SPRED1: variants seen among roughly 807,000 people sequenced by gnomAD.
SPRED1 encodes the protein sprouty-related, EVH1 domain-containing protein 1.
In SPRED1, 18 loss-of-function variants were observed where a neutral mutation model predicts 52.3. The ratio of observed to expected loss-of-function variants is 0.34; its 90% confidence interval spans 0.24 to 0.51. SPRED1 has a LOEUF of 0.51. Ranked by LOEUF, SPRED1 falls within the 20% of genes least tolerant of loss-of-function variation. The probability of loss-of-function intolerance (pLI) is 0.97; values close to 1 mark genes in which losing one functional copy is unlikely to be tolerated. For synonymous variants in SPRED1, 155 were observed against 179.7 expected, an observed-to-expected ratio of 0.86 and a Z score of 1.10; for missense variants, 485 against 551.0, an observed-to-expected ratio of 0.88 and a Z score of 1.20.
intron 5 of SPRED1, among the ~76,000 whole-genome samples, chr15:38,348,151 G>GA (rs565782092): frequency 2.0e-5 from 3 of 151,696 alleles, no homozygotes; most frequent in Non-Finnish European, 3.0e-5. Flanking sequence ...GTTCTATCAG[G>GA]AAAAAAAATT....
At chr15:38,278,271 C>T (rs1268924599) in intron 1 of SPRED1, among the ~76,000 whole-genome samples, 1 of 152,064 alleles carries the variant, frequency 6.6e-6, no homozygotes, top group African/African-American at 2.4e-5. Flanking sequence ...TGCTTGAGCC[C>T]AGGAGTTTGA....
intron 5 of SPRED1, among the ~76,000 whole-genome samples, chr15:38,348,453 A>T (rs1896187781): frequency 6.6e-6 from 1 of 150,828 alleles, no homozygotes; most frequent in Non-Finnish European, 1.5e-5. Flanking sequence ...TGTGTGTAAA[A>T]ATTTTTGGAG....
intron 1 of SPRED1, among the ~76,000 whole-genome samples, chr15:38,254,412 ATTG>A (rs1274684932): frequency 6.6e-6 from 1 of 152,014 alleles, no homozygotes; most frequent in African/African-American, 2.4e-5. Context: ...AAGGAGGTAC[ATTG>A]CTGCAGTGTC....
chr15:38,324,496 G>A (rs1421273625), intron 3 of SPRED1, among the ~76,000 whole-genome samples: 1 of 152,162 alleles, frequency 6.6e-6, no homozygotes, highest in African/African-American at 2.4e-5. Flanking sequence ...ACTAGGGGCA[G>A]GGGTAGCTAG....
intron 1 of SPRED1, among the ~76,000 whole-genome samples, chr15:38,283,065 A>G (rs752418839): frequency 6.6e-6 from 1 of 152,170 alleles, no homozygotes; most frequent in Non-Finnish European, 1.5e-5. Context: ...AGACTGGGTA[A>G]TTATAAAAGA....
chr15:38,294,341 T>G (rs925949435), intron 1 of SPRED1, among the ~76,000 whole-genome samples: 3 of 152,078 alleles, frequency 2.0e-5, no homozygotes, highest in Admixed American at 2.0e-4. Flanking sequence ...AATTTGGTGG[T>G]TGGTGGGGCG....
intron 1 of SPRED1, among the ~76,000 whole-genome samples, chr15:38,299,088 G>A (rs574723299): frequency 6.6e-5 from 10 of 152,272 alleles, no homozygotes; most frequent in Non-Finnish European, 1.2e-4. Context: ...AACTTGTTCC[G>A]TGGCAATCAG....
At chr15:38,327,175 G>T (rs1323677900) in intron 4 of SPRED1, among the ~76,000 whole-genome samples, 2 of 152,180 alleles carry the variant, frequency 1.3e-5, no homozygotes, top group African/African-American at 4.8e-5. Context: ...ACCTGCACCT[G>T]TTTAGAAGAC....
chr15:38,271,673 A>T (rs1335300018), intron 1 of SPRED1, among the ~76,000 whole-genome samples: 2 of 152,282 alleles, frequency 1.3e-5, no homozygotes, highest in Admixed American at 1.3e-4. Context: ...GGACTTAGAG[A>T]TATTGATTCC....
At chr15:38,273,540 T>C (rs1448904596) in intron 1 of SPRED1, among the ~76,000 whole-genome samples, 1 of 6,574 alleles carries the variant, frequency 1.5e-4, no homozygotes, top group Admixed American at 2.6e-3. Context: ...TATATATATA[T>C]ATATATATAT....
At chr15:38,350,966 A>G (rs773221725) in intron 6 of SPRED1, 48 bp from the exon 7 acceptor site, 203 of 1,572,134 alleles carry the variant, frequency 1.3e-4, no homozygotes, top group Middle Eastern at 6.6e-4. Flanking sequence ...GACACGTAAA[A>G]TTAACCATCA....
intron 1 of SPRED1, among the ~76,000 whole-genome samples, chr15:38,257,444 C>A (rs1359447283): frequency 6.6e-6 from 1 of 151,938 alleles, no homozygotes; most frequent in East Asian, 1.9e-4. Context: ...TAAATTATTA[C>A]CCGTTTAAGA....
intron 5 of SPRED1, among the ~76,000 whole-genome samples, chr15:38,349,183 G>A (rs1326197843): frequency 1.3e-5 from 2 of 152,066 alleles, no homozygotes; most frequent in Non-Finnish European, 2.9e-5. Flanking sequence ...ATGAATATTT[G>A]GGTTGTTTGT....
intron 1 of SPRED1, among the ~76,000 whole-genome samples, chr15:38,285,730 C>G (rs957645490): frequency 6.6e-6 from 1 of 152,138 alleles, no homozygotes; most frequent in East Asian, 1.9e-4. Context: ...TGACCTGATT[C>G]ATGTTTAAAA....
rs764234046 is a variant in SPRED1, at chr15:38,299,382, T to C, written c.42T>C (p.Tyr14=). The C allele has an allele frequency of 9.3e-6, 15 of 1,613,854 alleles. No individual in the cohort carries two copies. The African/African-American group carries it at 1.6e-4, about 17-fold the overall frequency. ...ETATSDNDNS[Y]ARVRAVVMTR... is the part of the protein sequence containing the mutation. Reference sequence around the variant, plus strand: ...TTTGCATCTATTTTAGTAATAGTTATGCACGAGTGCGAGCTGTGGTGATGA... The same window carrying C: ...TTTGCATCTATTTTAGTAATAGTTACGCACGAGTGCGAGCTGTGGTGATGA... Residue 14 remains tyrosine, a synonymous_variant, in exon 2 of 7, where the codon TAT becomes TAC. Transcript: ENST00000299084.
At chr15:38,342,061 T>A (rs1320731914) in intron 5 of SPRED1, among the ~76,000 whole-genome samples, 6 of 150,372 alleles carry the variant, frequency 4.0e-5, no homozygotes, top group African/African-American at 1.2e-4. Flanking sequence ...GGTGTCTTTG[T>A]CTTTTAATTG....
intron 1 of SPRED1, among the ~76,000 whole-genome samples, chr15:38,255,327 TCTCA>T (rs1299987764): frequency 1.3e-5 from 2 of 152,200 alleles, no homozygotes; most frequent in African/African-American, 2.4e-5. Context: ...TTGGAAATTA[TCTCA>T]CTCACCCAGA....
chr15:38,330,346 G>A (rs544050625), intron 4 of SPRED1, among the ~76,000 whole-genome samples: 3 of 152,198 alleles, frequency 2.0e-5, no homozygotes, highest in East Asian at 3.9e-4. Context: ...TGCTGTTAAT[G>A]TTTCCAGTCA....
chr15:38,270,585 G>T (rs1894410325), intron 1 of SPRED1, among the ~76,000 whole-genome samples: 1 of 152,150 alleles, frequency 6.6e-6, no homozygotes, highest in Non-Finnish European at 1.5e-5. Flanking sequence ...CAGAGCAGGA[G>T]AGAGCCAAGT....
Sources: gnomAD v4.1 joint callset for allele counts (sites outside exome capture counted in the v4.1 genomes callset) on GRCh38, gnomAD v4.1.1 for gene constraint, MANE v1.5 for transcripts, NCBI Gene and HGNC (gene_info 2026-07-23, HGNC 2026-07-21) for gene names.